CELF2: variants seen among roughly 807,000 people sequenced by gnomAD.
The protein encoded by CELF2 is CUG triplet repeat RNA-binding protein 2.
A neutral mutation model predicts 62.6 loss-of-function variants in CELF2; 8 were observed. The ratio of observed to expected loss-of-function variants is 0.13; its 90% CI spans 0.07 to 0.23. The LOEUF (loss-of-function observed/expected upper bound fraction) is 0.23, where lower values mean the gene tolerates loss of function less well. Ranked by LOEUF, CELF2 falls within the 10% of genes least tolerant of loss-of-function variation. CELF2 has a pLI of 1.00. For synonymous variants in CELF2, 258 were observed against 250.0 expected (o/e 1.03, Z -0.30); for missense variants, 333 against 671.0 (o/e 0.50, Z 5.56).
At chr10:10,658,272 A>G in the CELF2 span, among the ~76,000 whole-genome samples, 1 of 151,626 alleles carries the variant, frequency 6.6e-6, no homozygotes, top group Non-Finnish European at 1.5e-5. Flanking sequence ...CCTGCTCTTT[A>G]TGGCCTTGAG....
the CELF2 span, among the ~76,000 whole-genome samples, chr10:10,784,908 A>G: frequency 6.6e-6 from 1 of 152,312 alleles, no homozygotes; most frequent in South Asian, 2.1e-4. Context: ...TGCCTTCCAC[A>G]TGGCCTCACC....
At position 11,075,811 on chromosome 10, in the gene CELF2, C is replaced by T. The variant is rs1324980354; in HGVS notation, c.74+57648C>T. Among the ~76,000 whole-genome samples the T allele has an allele frequency of 6.6e-6, 1 of 151,676 alleles. No individual in the cohort carries two copies. The highest frequency in any genetic ancestry group is 1.9e-4 in the East Asian group (1 of 5,164). Reference sequence around the variant, plus strand: ...GAATGATGGTTGAAAACGTCGTAGGCAAGAAAAAAGCATCAGTATTAGGGC... The same window carrying T: ...GAATGATGGTTGAAAACGTCGTAGGTAAGAAAAAAGCATCAGTATTAGGGC... On this transcript the variant is annotated intron_variant, in intron 1 of 12. Transcript: ENST00000633077. This position sits in a 1 kb window ranked among gnomAD's most constrained non-coding sequence, Gnocchi z 5.4.
intron 12 of CELF2, among the ~76,000 whole-genome samples, chr10:11,326,673 A>C (rs1356954354): frequency 6.6e-6 from 1 of 152,190 alleles, no homozygotes; most frequent in Non-Finnish European, 1.5e-5. Context: ...CATTCATTAA[A>C]TATATTCCTT....
rs2061669079 is a variant in CELF2, at chr10:11,211,082, G to A, written c.272-6343G>A. Among the ~76,000 whole-genome samples the A allele has an allele frequency of 6.6e-6, 1 of 152,168 alleles. No individual in the cohort carries two copies. Among genetic ancestry groups the A allele is most frequent in the Non-Finnish European group, 1.5e-5 (1 of 68,022 alleles). On this transcript the variant is annotated intron_variant, in intron 2 of 12. Coordinates refer to ENST00000633077, the MANE Select transcript of CELF2 (RefSeq NM_001326342.2). This position sits in a 1 kb window ranked among gnomAD's most constrained non-coding sequence, Gnocchi z 4.8. The stretch of plus-strand genomic sequence containing the variant: ...CCACTTGAGACGAGGAGTTTGAGAA[G>A]CCTGAGCTATGTAGCAAGACCCAGT...
the CELF2 span, among the ~76,000 whole-genome samples, chr10:10,465,005 G>A: frequency 2.0e-5 from 3 of 152,160 alleles, no homozygotes; most frequent in African/African-American, 4.8e-5. Flanking sequence ...GAGCTCTTGC[G>A]GCATTTGGGA....
At chr10:11,325,768 C>T in intron 11 of CELF2, 68 bp from the exon 12 acceptor site, 1 of 1,424,950 alleles carries the variant, frequency 7.0e-7, no homozygotes. Context: ...TTAAAGTATT[C>T]CTAAGAAGGG....
intron 1 of CELF2, among the ~76,000 whole-genome samples, chr10:11,141,661 G>A (rs1202623991): frequency 2.0e-5 from 3 of 152,212 alleles, no homozygotes; most frequent in African/African-American, 4.8e-5. Flanking sequence ...TGTTGACTTT[G>A]AAGTGCAGAC....
chr10:11,229,472 C>T (rs1302371695), intron 3 of CELF2, among the ~76,000 whole-genome samples: 1 of 152,150 alleles, frequency 6.6e-6, no homozygotes, highest in Non-Finnish European at 1.5e-5. Flanking sequence ...GCATATAAAA[C>T]CGGGGCAGTG....
intron 1 of CELF2, among the ~76,000 whole-genome samples, chr10:10,875,782 G>T (rs1410209854): frequency 1.3e-5 from 2 of 152,120 alleles, no homozygotes; most frequent in East Asian, 3.9e-4. Flanking sequence ...TCCCTCTTCT[G>T]TTGAGGTTAC....
At chr10:10,480,660 A>G in the CELF2 span, among the ~76,000 whole-genome samples, 2 of 152,328 alleles carry the variant, frequency 1.3e-5, no homozygotes, top group South Asian at 4.1e-4. Flanking sequence ...CCCAAATTGA[A>G]GGAAACAAAC....
At chr10:10,634,837 A>G in the CELF2 span, among the ~76,000 whole-genome samples, 6 of 152,008 alleles carry the variant, frequency 3.9e-5, no homozygotes, top group South Asian at 1.0e-3. Context: ...AATCTTTTGT[A>G]TATTTAGTAG....
chr10:10,589,695 C>G, the CELF2 span, among the ~76,000 whole-genome samples: 5 of 152,044 alleles, frequency 3.3e-5, no homozygotes, highest in African/African-American at 9.7e-5. Context: ...TCCTTTCCCC[C>G]ACAAGAAAAG....
intron 2 of CELF2, among the ~76,000 whole-genome samples, chr10:11,209,729 A>G (rs773238435): frequency 6.6e-5 from 10 of 151,722 alleles, no homozygotes; most frequent in Non-Finnish European, 1.5e-4. Context: ...ACCGTAGTGC[A>G]TGGCAGATTC....
chr10:11,104,549 G>T (rs574848167), intron 1 of CELF2, among the ~76,000 whole-genome samples: 1 of 152,294 alleles, frequency 6.6e-6, no homozygotes, highest in Admixed American at 6.5e-5. Context: ...CAGGTGTGTG[G>T]TGTGTGCCTA....
At chr10:10,538,474 A>C in the CELF2 span, among the ~76,000 whole-genome samples, 1 of 151,788 alleles carries the variant, frequency 6.6e-6, no homozygotes, top group African/African-American at 2.4e-5. Flanking sequence ...CTTGATCTCA[A>C]GTGTCTCTGG....
intron 1 of CELF2, among the ~76,000 whole-genome samples, chr10:10,854,733 CT>C (rs1257308414): frequency 1.3e-5 from 2 of 152,118 alleles, no homozygotes; most frequent in Non-Finnish European, 2.9e-5. Flanking sequence ...ATTCTCACCC[CT>C]GTCTTGTGGT....
At chr10:10,559,011 T>A in the CELF2 span, among the ~76,000 whole-genome samples, 1 of 152,192 alleles carries the variant, frequency 6.6e-6, no homozygotes, top group Non-Finnish European at 1.5e-5. Flanking sequence ...ATTGAAGTGA[T>A]CATATTTTAG....
the CELF2 span, among the ~76,000 whole-genome samples, chr10:10,488,751 A>G: frequency 2.0e-5 from 3 of 152,152 alleles, no homozygotes; most frequent in Non-Finnish European, 4.4e-5. Flanking sequence ...TTAAAAACTG[A>G]TAACATTAAT....
the CELF2 span, among the ~76,000 whole-genome samples, chr10:10,714,986 T>C: frequency 3.0e-4 from 46 of 152,216 alleles, no homozygotes; most frequent in African/African-American, 1.0e-3. Flanking sequence ...AGTTCTCCTG[T>C]GTTTTTAAGT....
Sources: allele counts gnomAD v4.1 joint callset (sites outside exome capture counted in the v4.1 genomes callset), GRCh38; gene constraint gnomAD v4.1.1; non-coding constraint Gnocchi (gnomAD v3.1); transcripts MANE v1.5; gene names NCBI Gene and HGNC (gene_info 2026-07-23, HGNC 2026-07-21).